Variants in C17orf114 observed in about 807,000 individuals in gnomAD.
C17orf114 encodes the protein uncharacterized protein C17orf114.
exon 2 of C17orf114, chr17:4,801,162 G>C: frequency 2.5e-6 from 1 of 396,448 alleles, no homozygotes; most frequent in Non-Finnish European, 4.4e-6. Flanking sequence ...ACAGCACTTA[G>C]CAACTATGAA....
chr17:4,806,876 G>C (rs1905873887), upstream of C17orf114: 2 of 149,124 alleles, frequency 1.3e-5, no homozygotes, highest in African/African-American at 4.9e-5. Context: ...GCAGCGGCCG[G>C]GCACGCTGGG....
chr17:4,804,603 CT>C (rs35194566), upstream of C17orf114, among the ~76,000 whole-genome samples: 17,051 of 134,440 alleles, frequency 0.13, 1,339 homozygotes, highest in East Asian at 0.46. Flanking sequence ...ATGTTTCTTT[CT>C]TTTTTTTTTT....
exon 1 of C17orf114, chr17:4,802,276 C>T (rs1224008429): frequency 5.0e-6 from 2 of 399,730 alleles, no homozygotes; most frequent in Non-Finnish European, 8.8e-6. Context: ...CCGCTGCCTC[C>T]GGCACCCGCA....
upstream of C17orf114, among the ~76,000 whole-genome samples, chr17:4,805,344 C>T (rs1905646515): frequency 6.6e-6 from 1 of 151,428 alleles, no homozygotes; most frequent in African/African-American, 2.4e-5. Context: ...CAGGAGAGAA[C>T]CCGGGAGGCG....
At chr17:4,802,303 G>A (rs1905533577) in exon 1 of C17orf114, 1 of 399,494 alleles carries the variant, frequency 2.5e-6, no homozygotes, top group Non-Finnish European at 4.4e-6. Flanking sequence ...GAAACACCAT[G>A]CCCCCTTCAG....
upstream of C17orf114, among the ~76,000 whole-genome samples, chr17:4,802,657 C>A (rs1475264054): frequency 6.6e-6 from 1 of 152,158 alleles, no homozygotes; most frequent in Non-Finnish European, 1.5e-5. Context: ...CAATGCCCGA[C>A]AACTTGGCGC....
At chr17:4,801,266 G>C in exon 2 of C17orf114, 1 of 398,728 alleles carries the variant, frequency 2.5e-6, no homozygotes. Context: ...CCTTCCTGGA[G>C]GTTCACCTCC....
At chr17:4,801,416 A>G (rs940963268) in exon 2 of C17orf114, 2 of 398,708 alleles carry the variant, frequency 5.0e-6, no homozygotes, top group African/African-American at 4.1e-5. Flanking sequence ...GGTGGGGGCT[A>G]TAGCTGGACT....
intron 1 of C17orf114, among the ~76,000 whole-genome samples, chr17:4,801,758 T>C (rs1347470415): frequency 6.6e-6 from 1 of 151,440 alleles, no homozygotes; most frequent in Non-Finnish European, 1.5e-5. Context: ...TTTGAGACAG[T>C]CTCACTCTGT....
chr17:4,802,166 G>A, intron 1 of C17orf114, 81 bp downstream of exon 1: 1 of 398,612 alleles, frequency 2.5e-6, no homozygotes. Flanking sequence ...CCCTTTGCTG[G>A]TTTGAGCATT....
upstream of C17orf114, chr17:4,802,442 C>T (rs928513419): frequency 1.3e-5 from 5 of 395,968 alleles, no homozygotes; most frequent in African/African-American, 1.0e-4. Context: ...CTGGTGATTA[C>T]AGGCGCCAGG....
At chr17:4,802,933 T>G (rs183428873), upstream of C17orf114, among the ~76,000 whole-genome samples, 79 of 152,238 alleles carry the variant, frequency 5.2e-4, no homozygotes, top group East Asian at 6.6e-3. Context: ...ATCTTTTTTT[T>G]GGGGGACAGA....
upstream of C17orf114, among the ~76,000 whole-genome samples, chr17:4,805,762 T>C (rs990234882): frequency 6.6e-6 from 1 of 152,092 alleles, no homozygotes; most frequent in African/African-American, 2.4e-5. Context: ...CCATCCTGGA[T>C]AACACGGTGA....
upstream of C17orf114, among the ~76,000 whole-genome samples, chr17:4,806,410 A>C (rs1905811044): frequency 6.6e-6 from 1 of 152,236 alleles, no homozygotes; most frequent in Non-Finnish European, 1.5e-5. Flanking sequence ...CTAGAAACCC[A>C]CATGTATATC....
upstream of C17orf114, among the ~76,000 whole-genome samples, chr17:4,805,666 C>A (rs1905703112): frequency 7.8e-6 from 1 of 128,828 alleles, no homozygotes; most frequent in African/African-American, 3.0e-5. Flanking sequence ...AAGAGCGAGA[C>A]TCTGGCCGGG....
chr17:4,804,792 G>A (rs1047374707), upstream of C17orf114, among the ~76,000 whole-genome samples: 1 of 151,046 alleles, frequency 6.6e-6, no homozygotes, highest in African/African-American at 2.4e-5. Flanking sequence ...CACCATGTTA[G>A]CCAAGATGGT....
upstream of C17orf114, among the ~76,000 whole-genome samples, chr17:4,806,224 A>G (rs1182298056): frequency 6.6e-6 from 1 of 152,200 alleles, no homozygotes; most frequent in Non-Finnish European, 1.5e-5. Context: ...CCATACACTG[A>G]TTTTGGAAAT....
upstream of C17orf114, among the ~76,000 whole-genome samples, chr17:4,806,270 G>T (rs1905792666): frequency 6.6e-6 from 1 of 152,088 alleles, no homozygotes; most frequent in African/African-American, 2.4e-5. Context: ...AAAATCGTTT[G>T]GCAGTTTCTT....
upstream of C17orf114, among the ~76,000 whole-genome samples, chr17:4,805,855 A>C (rs993756999): frequency 6.7e-6 from 1 of 149,706 alleles, no homozygotes; most frequent in African/African-American, 2.5e-5. Flanking sequence ...CAGGAGGCTG[A>C]GGCAGGAGAA....
Sources: allele counts gnomAD v4.1 joint callset (sites outside exome capture counted in the v4.1 genomes callset), GRCh38; gene constraint gnomAD v4.1.1; transcripts MANE v1.5; gene names NCBI Gene and HGNC (gene_info 2026-07-23, HGNC 2026-07-21).